Variants in PCDHA5 observed in about 807,000 individuals in gnomAD.
PCDHA5 encodes the protein protocadherin alpha-5.
Under a neutral mutation model 61.6 loss-of-function variants are expected in PCDHA5, and 43 were observed. The observed-to-expected ratio is 0.70, with a 90% CI of 0.55 to 0.90. PCDHA5 has a LOEUF of 0.90. Among genes scored for constraint, PCDHA5 ranks in the 40% least tolerant of loss-of-function variants. The pLI, the probability that PCDHA5 is intolerant of heterozygous loss-of-function variation, is 0.00. For missense variants in PCDHA5, 1,298 were observed against 1,222.7 expected (o/e 1.06, Z -0.92); for synonymous variants, 627 against 543.9 (o/e 1.15, Z -2.13).
intron 1 of PCDHA5, among the ~76,000 whole-genome samples, chr5:140,937,867 G>A (rs1009502911): frequency 7.9e-5 from 12 of 151,142 alleles, no homozygotes; most frequent in African/African-American, 1.2e-4. Flanking sequence ...AGCCGAGATC[G>A]CGCCACTGCA....
At position 140,823,826 on chromosome 5, in the gene PCDHA5, G is replaced by C; in HGVS notation, c.2051G>C (p.Gly684Ala). The stretch of plus-strand genomic sequence containing the variant: ...AAGGCCTCATCGCGGGCGTCGGCGG[G>C]CGCTGTGGGTCCCGAGGCTGCCCTG... The part of the protein sequence containing the change: ...APKASSRASA[G>A]AVGPEAALVD... Residue 684 changes from glycine to alanine, a missense_variant, in exon 1 of 4, where the codon GGC becomes GCC. Coordinates refer to ENST00000529859, the MANE Select transcript of PCDHA5 (RefSeq NM_018908.3). The C allele has an allele frequency of 6.2e-7, 1 of 1,613,820 alleles. No individual in the cohort carries two copies. Among genetic ancestry groups the C allele is most frequent in the Non-Finnish European group, 8.5e-7 (1 of 1,179,912 alleles).
intron 1 of PCDHA5, chr5:140,882,896 T>G (rs1554176010): frequency 6.2e-7 from 1 of 1,614,212 alleles, no homozygotes. Flanking sequence ...GGAACATAGT[T>G]TATTACTGAC....
intron 1 of PCDHA5, chr5:140,884,560 G>A: frequency 6.2e-7 from 1 of 1,614,132 alleles, no homozygotes; most frequent in African/African-American, 1.3e-5. Context: ...GGGAGGGCCC[G>A]CATAAGACGG....
chr5:140,942,808 C>T (rs1175421349), intron 1 of PCDHA5, among the ~76,000 whole-genome samples: 1 of 151,920 alleles, frequency 6.6e-6, no homozygotes, highest in East Asian at 1.9e-4. Context: ...TTTCCACAAA[C>T]TAGTTGGATT....
intron 1 of PCDHA5, among the ~76,000 whole-genome samples, chr5:140,845,212 T>C (rs1779759360): frequency 6.7e-6 from 1 of 149,366 alleles, no homozygotes; most frequent in South Asian, 2.1e-4. Context: ...TTTAAGTCCT[T>C]TTAAAAAATA....
intron 1 of PCDHA5, chr5:140,869,676 A>G (rs1264007224): frequency 6.2e-7 from 1 of 1,613,486 alleles, no homozygotes; most frequent in African/African-American, 1.3e-5. Flanking sequence ...AGATTAAAAG[A>G]CTGTCACTTA....
chr5:140,863,405 C>A (rs1554158176), intron 1 of PCDHA5: 1 of 799,642 alleles, frequency 1.3e-6, no homozygotes, highest in East Asian at 4.2e-5. Flanking sequence ...GGCAAGCCCA[C>A]GCTGGTGTAC....
chr5:140,834,797 G>T lies in PCDHA5; in HGVS notation c.2352+10670G>T, dbSNP rs782512269. The T allele has an allele frequency of 3.1e-6, 5 of 1,612,908 alleles. No individual in the cohort carries two copies. The South Asian group carries it at 5.5e-5, about 18-fold the overall frequency. ...CTCCGGTGTTCCCAGCGACACAAAG[G>T]AATCTGTTCATCGCGGAATCCAGGC... On this transcript the variant is annotated intron_variant, in intron 1 of 3. Transcript: ENST00000529859.
chr5:140,982,254 T>C (rs1275431812), intron 2 of PCDHA5: 9 of 774,802 alleles, frequency 1.2e-5, no homozygotes, highest in Non-Finnish European at 1.5e-5. Flanking sequence ...AGATAGAACA[T>C]GTGTGTTCCT....
Position 140,823,986 on chromosome 5 carries a change from T to C in PCDHA5, c.2211T>C (p.Thr737=), listed in dbSNP as rs782505154. 1 of 1,613,742 alleles carries C rather than the reference T, an allele frequency of 6.2e-7. No homozygotes were observed. Among genetic ancestry groups the C allele is most frequent in the Non-Finnish European group, 8.5e-7 (1 of 1,179,916 alleles). The change falls in exon 1 of 4, where the codon ACT becomes ACC. Residue 737 remains threonine, a synonymous_variant. Transcript: ENST00000529859. ...CCGTGTGCACACGGGGCAAGCCCACTCTGTTGTGCTCCAGCGCGGTGGGGA... is the reference window on the plus strand; with the variant it reads ...CCGTGTGCACACGGGGCAAGCCCACCCTGTTGTGCTCCAGCGCGGTGGGGA... ...TEAVCTRGKP[T]LLCSSAVGSW... is the part of the protein sequence containing the mutation.
chr5:140,989,758 T>C (rs1554251084), intron 3 of PCDHA5, among the ~76,000 whole-genome samples: 1 of 152,188 alleles, frequency 6.6e-6, no homozygotes, highest in African/African-American at 2.4e-5. Flanking sequence ...GAGAAACATA[T>C]TCAGTTCAAG....
chr5:140,993,462 TCACACACACACACACACACACACA>T (rs3836747), intron 3 of PCDHA5, among the ~76,000 whole-genome samples: 3 of 140,938 alleles, frequency 2.1e-5, no homozygotes, highest in African/African-American at 5.3e-5. Flanking sequence ...TCTTTCTTTC[TCACACACACACACACACACACACA>T]CACACACACA....
At chr5:140,826,048 C>T (rs1415056920) in intron 1 of PCDHA5, among the ~76,000 whole-genome samples, 1 of 152,112 alleles carries the variant, frequency 6.6e-6, no homozygotes, top group South Asian at 2.1e-4. Flanking sequence ...TGTTGCTTTG[C>T]CTGTTTCTTT....
At chr5:141,000,757 C>A (rs1236279352) in intron 3 of PCDHA5, among the ~76,000 whole-genome samples, 1 of 151,158 alleles carries the variant, frequency 6.6e-6, no homozygotes, top group Non-Finnish European at 1.5e-5. Flanking sequence ...AAAAAAAAAT[C>A]TTAGCCAGGC....
At chr5:140,924,725 C>T (rs1015635507) in intron 1 of PCDHA5, among the ~76,000 whole-genome samples, 71 of 151,698 alleles carry the variant, frequency 4.7e-4, no homozygotes, top group African/African-American at 1.6e-3. Flanking sequence ...CGAAACCTCA[C>T]CTCTAATAAA....
At position 140,824,323 on chromosome 5, in the gene PCDHA5, T is replaced by C. The variant is rs2150134104; in HGVS notation, c.2352+196T>C. The C allele has an allele frequency of 4.3e-6, 3 of 698,316 alleles. No homozygotes were observed. In the African/African-American group the frequency reaches 5.4e-5, roughly 12 times the overall value. The allele number at this position is 698,316 out of a possible 1,614,324, so 43.3% of individuals were successfully genotyped here. Reference sequence around the variant, plus strand: ...TGGGGTAATAGATTCATCAGCTTTCTGTGATATTAAGTGTTTTTAAAATAA... The same window carrying C: ...TGGGGTAATAGATTCATCAGCTTTCCGTGATATTAAGTGTTTTTAAAATAA... On this transcript the variant is annotated intron_variant, in intron 1 of 3. Transcript: ENST00000529859.
intron 1 of PCDHA5, among the ~76,000 whole-genome samples, chr5:140,974,864 C>T (rs949061887): frequency 6.6e-6 from 1 of 152,124 alleles, no homozygotes; most frequent in Non-Finnish European, 1.5e-5. Flanking sequence ...TGCCTTAATG[C>T]GGAACAGTCT....
At chr5:141,003,053 C>T (rs1554258899) in intron 3 of PCDHA5, among the ~76,000 whole-genome samples, 3 of 152,206 alleles carry the variant, frequency 2.0e-5, no homozygotes, top group African/African-American at 7.2e-5. Flanking sequence ...CTTAACAGAA[C>T]AGTTCCAAAT....
At chr5:140,869,561 C>T (rs781968482) in intron 1 of PCDHA5, 28 of 1,614,032 alleles carry the variant, frequency 1.7e-5, no homozygotes, top group Middle Eastern at 1.6e-4. Context: ...TCGCGTTTTC[C>T]ACTAGAGGGA....
Sources: allele counts gnomAD v4.1 joint callset (sites outside exome capture counted in the v4.1 genomes callset), GRCh38; gene constraint gnomAD v4.1.1; transcripts MANE v1.5; gene names NCBI Gene and HGNC (gene_info 2026-07-23, HGNC 2026-07-21).